SGMS1: variants seen among roughly 807,000 people sequenced by gnomAD.
SGMS1 encodes the protein sphingomyelin synthase 1.
SGMS1 carries 13 observed loss-of-function variants against 46.2 expected under a neutral mutation model. The observed-to-expected ratio is 0.28, with a 90% CI of 0.18 to 0.45. The LOEUF (loss-of-function observed/expected upper bound fraction) is 0.45. Among genes scored for constraint, SGMS1 ranks in the 20% least tolerant of loss-of-function variants. SGMS1 has a pLI of 1.00. For missense variants in SGMS1, 324 were observed against 519.9 expected, an observed-to-expected ratio of 0.62 and a Z score of 3.66; for synonymous variants, 203 against 187.8, an observed-to-expected ratio of 1.08 and a Z score of -0.66.
chr10:50,582,232 C>G (rs961809924), intron 2 of SGMS1, among the ~76,000 whole-genome samples: 1 of 152,128 alleles, frequency 6.6e-6, no homozygotes, highest in African/African-American at 2.4e-5. Flanking sequence ...GTAAATAATA[C>G]AAAGAAATCA....
At chr10:50,505,453 C>A (rs1217956535) in intron 3 of SGMS1, among the ~76,000 whole-genome samples, 1 of 152,152 alleles carries the variant, frequency 6.6e-6, no homozygotes, top group African/African-American at 2.4e-5. Context: ...CTTTTCCATT[C>A]TTCCTGCCTT....
At chr10:50,463,365 T>C (rs1220516176) in intron 4 of SGMS1, among the ~76,000 whole-genome samples, 1 of 152,194 alleles carries the variant, frequency 6.6e-6, no homozygotes, top group African/African-American at 2.4e-5. Flanking sequence ...AGGACTTGAA[T>C]GGACATTTCT....
rs1451520743 is a variant in SGMS1, at chr10:50,453,715, C to A, written c.-313+6958G>T. ...AATATTCCTAATAGCAATATTTAGG[C>A]CCAGAAAACCCAAAGATTCTCAGGG... On this transcript the variant is annotated intron_variant, in intron 5 of 10. Transcript: ENST00000361781. Among the ~76,000 whole-genome samples the A allele has an allele frequency of 4.2e-5, 6 of 144,560 alleles. No homozygotes were observed. In the East Asian group the frequency reaches 1.1e-3, roughly 26 times the overall value. The allele number at this position is 144,560 out of a possible 152,430, so 94.8% of individuals were successfully genotyped here.
intron 2 of SGMS1, among the ~76,000 whole-genome samples, chr10:50,586,836 C>G (rs566664131): frequency 6.6e-6 from 1 of 152,220 alleles, no homozygotes. Context: ...GAGGAGAAAA[C>G]CTTGTTTAAT....
chr10:50,528,181 A>G (rs1314084453), intron 2 of SGMS1, among the ~76,000 whole-genome samples: 1 of 152,246 alleles, frequency 6.6e-6, no homozygotes. Flanking sequence ...TTCATTTATG[A>G]TATCAATAAG....
At chr10:50,419,633 A>G (rs1335311978) in intron 6 of SGMS1, among the ~76,000 whole-genome samples, 3 of 152,194 alleles carry the variant, frequency 2.0e-5, no homozygotes, top group Admixed American at 1.3e-4. Flanking sequence ...ACTTAAAAGA[A>G]ACTTTATTTG....
At chr10:50,540,283 G>A (rs951383188) in intron 2 of SGMS1, among the ~76,000 whole-genome samples, 2 of 152,130 alleles carry the variant, frequency 1.3e-5, no homozygotes, top group Non-Finnish European at 2.9e-5. Context: ...CCAGCCCAGG[G>A]GAAGGATGTG....
chr10:50,555,387 T>C (rs780470526), intron 2 of SGMS1, among the ~76,000 whole-genome samples: 6 of 152,222 alleles, frequency 3.9e-5, no homozygotes, highest in Non-Finnish European at 7.3e-5. Flanking sequence ...AAGTTCACCA[T>C]CTTCCTGCTT....
At chr10:50,381,097 G>A (rs1848597373) in intron 6 of SGMS1, among the ~76,000 whole-genome samples, 1 of 151,394 alleles carries the variant, frequency 6.6e-6, no homozygotes, top group Non-Finnish European at 1.5e-5. Flanking sequence ...CCAAATTGCT[G>A]AGATTACAAG....
intron 8 of SGMS1, among the ~76,000 whole-genome samples, chr10:50,313,694 C>T (rs1215037804): frequency 6.6e-6 from 1 of 152,172 alleles, no homozygotes; most frequent in Non-Finnish European, 1.5e-5. Context: ...AAAATTCCCT[C>T]TGTGTTTTAA....
At chr10:50,369,494 T>C (rs1002156645) in intron 6 of SGMS1, among the ~76,000 whole-genome samples, 1 of 151,472 alleles carries the variant, frequency 6.6e-6, no homozygotes, top group Admixed American at 6.6e-5. Flanking sequence ...TGAGACTCTG[T>C]CTGAAAAAGT....
chr10:50,333,005 G>A (rs1847652791), intron 7 of SGMS1, among the ~76,000 whole-genome samples: 2 of 152,246 alleles, frequency 1.3e-5, no homozygotes, highest in Admixed American at 6.5e-5. Flanking sequence ...CCTCTCACAT[G>A]ATTATGTCTG....
intron 7 of SGMS1, among the ~76,000 whole-genome samples, chr10:50,332,286 C>T (rs754762682): frequency 8.5e-5 from 13 of 152,158 alleles, no homozygotes; most frequent in Non-Finnish European, 1.5e-4. Context: ...GCCAGCCATT[C>T]TCTCTGCCTG....
At chr10:50,571,683 T>A (rs191920036) in intron 2 of SGMS1, among the ~76,000 whole-genome samples, 1 of 152,222 alleles carries the variant, frequency 6.6e-6, no homozygotes, top group African/African-American at 2.4e-5. Flanking sequence ...TATACACATA[T>A]ATATGACAGA....
intron 5 of SGMS1, among the ~76,000 whole-genome samples, chr10:50,435,714 A>G (rs765211931): frequency 6.6e-6 from 1 of 152,196 alleles, no homozygotes; most frequent in Non-Finnish European, 1.5e-5. Flanking sequence ...CACATCACAG[A>G]CTCATAAGCA....
At chr10:50,575,042 T>G (rs1410151980) in intron 2 of SGMS1, among the ~76,000 whole-genome samples, 1 of 144,656 alleles carries the variant, frequency 6.9e-6, no homozygotes, top group Non-Finnish European at 1.5e-5. Context: ...TGAAACAACA[T>G]AGACGTGGAA....
At chr10:50,578,341 T>C (rs984852581) in intron 2 of SGMS1, among the ~76,000 whole-genome samples, 2 of 152,238 alleles carry the variant, frequency 1.3e-5, no homozygotes, top group African/African-American at 2.4e-5. Flanking sequence ...AACCTATTAA[T>C]TCAGCTTTTC....
At chr10:50,414,964 T>C (rs902690064) in intron 6 of SGMS1, among the ~76,000 whole-genome samples, 3 of 152,220 alleles carry the variant, frequency 2.0e-5, no homozygotes, top group Non-Finnish European at 4.4e-5. Context: ...AGAACACACG[T>C]AGCACGTTAT....
chr10:50,317,956 G>A (rs60898196), intron 8 of SGMS1, among the ~76,000 whole-genome samples: 33,771 of 151,674 alleles, frequency 0.22, 4,359 homozygotes, highest in Middle Eastern at 0.35. Context: ...GGTGCATGCC[G>A]CCACACCCGG....
Sources: gnomAD v4.1 joint callset for allele counts (sites outside exome capture counted in the v4.1 genomes callset) on GRCh38, gnomAD v4.1.1 for gene constraint, MANE v1.5 for transcripts, NCBI Gene and HGNC (gene_info 2026-07-23, HGNC 2026-07-21) for gene names.